The following LMBR1 variants were observed in gnomAD, a reference collection of about 807,000 sequenced individuals.
The protein encoded by LMBR1 is limb region 1 protein homolog.
A neutral mutation model predicts 73.9 loss-of-function variants in LMBR1; 52 were observed. That is an observed-to-expected ratio of 0.70 (90% CI 0.56 to 0.89). LMBR1 has a LOEUF of 0.89. LMBR1 is among the 40% of genes least tolerant of loss of function. The probability of loss-of-function intolerance (pLI) is 0.00; values close to 1 mark genes in which losing one functional copy is unlikely to be tolerated. For synonymous variants in LMBR1, 215 were observed against 209.4 expected (o/e 1.03, Z -0.23); for missense variants, 539 against 579.8 (o/e 0.93, Z 0.72).
intron 15 of LMBR1, among the ~76,000 whole-genome samples, chr7:156,688,607 A>T (rs1585192502): frequency 1.3e-5 from 2 of 151,344 alleles, no homozygotes; most frequent in Admixed American, 1.3e-4. Flanking sequence ...ACATCCTTAC[A>T]CCTCCTCTGC....
At chr7:156,822,697 A>G (rs923780057) in intron 4 of LMBR1, 2 of 152,194 alleles carry the variant, frequency 1.3e-5, no homozygotes, top group African/African-American at 4.8e-5. Flanking sequence ...AAGCAAAATA[A>G]CAATCAGAAA....
intron 1 of LMBR1, among the ~76,000 whole-genome samples, chr7:156,867,457 A>G (rs1798624188): frequency 6.6e-6 from 1 of 152,250 alleles, no homozygotes; most frequent in Non-Finnish European, 1.5e-5. Flanking sequence ...CAAAAACTAC[A>G]CAAATGTTCA....
intron 15 of LMBR1, among the ~76,000 whole-genome samples, chr7:156,697,605 A>G (rs1180792147): frequency 2.0e-5 from 3 of 152,164 alleles, no homozygotes; most frequent in Non-Finnish European, 4.4e-5. Flanking sequence ...GAATTTAGCG[A>G]TATCTTCCCT....
chr7:156,711,219 A>C (rs1417733134), intron 15 of LMBR1, among the ~76,000 whole-genome samples: 1 of 152,160 alleles, frequency 6.6e-6, no homozygotes, highest in Non-Finnish European at 1.5e-5. Flanking sequence ...CTGAGGCAGG[A>C]GAATCGCTTG....
chr7:156,759,723 C>G (rs1822611919), intron 8 of LMBR1, among the ~76,000 whole-genome samples: 1 of 152,110 alleles, frequency 6.6e-6, no homozygotes, highest in African/African-American at 2.4e-5. Flanking sequence ...AGCACTCGAA[C>G]ATAAATTTAA....
intron 1 of LMBR1, among the ~76,000 whole-genome samples, chr7:156,870,504 G>A (rs892308863): frequency 1.3e-5 from 2 of 152,180 alleles, no homozygotes; most frequent in East Asian, 1.9e-4. Flanking sequence ...AGTGGCTCAC[G>A]CCTGTAATCC....
At chr7:156,684,362 C>A (rs941883540) in intron 16 of LMBR1, among the ~76,000 whole-genome samples, 199 bp from the exon 17 acceptor site, 1 of 152,158 alleles carries the variant, frequency 6.6e-6, no homozygotes, top group Non-Finnish European at 1.5e-5. Flanking sequence ...AAGCTGAAGA[C>A]TGCTGCAAGG....
intron 4 of LMBR1, among the ~76,000 whole-genome samples, chr7:156,803,072 A>ATT (rs1831301645): frequency 6.6e-6 from 1 of 152,198 alleles, no homozygotes; most frequent in African/African-American, 2.4e-5. Flanking sequence ...AGGCATTACC[A>ATT]TTCAGGACAT....
intron 1 of LMBR1, among the ~76,000 whole-genome samples, chr7:156,844,682 G>A (rs1839314357): frequency 6.6e-6 from 1 of 151,268 alleles, no homozygotes; most frequent in Non-Finnish European, 1.5e-5. Flanking sequence ...ATTGAGCTTT[G>A]CTCCTGGTCA....
intron 1 of LMBR1, among the ~76,000 whole-genome samples, chr7:156,872,905 T>C (rs1301672902): frequency 6.6e-6 from 1 of 152,188 alleles, no homozygotes; most frequent in East Asian, 1.9e-4. Context: ...AGATTGCTCC[T>C]GCAGGACCCA....
intron 15 of LMBR1, among the ~76,000 whole-genome samples, chr7:156,695,545 G>A (rs1808104743): frequency 6.6e-6 from 1 of 151,946 alleles, no homozygotes; most frequent in Admixed American, 6.6e-5. Context: ...AAGGGTTGGG[G>A]GAGGCACCCG....
chr7:156,831,222 C>A (rs6459710), intron 3 of LMBR1, among the ~76,000 whole-genome samples: 57,389 of 149,798 alleles, frequency 0.38, 11,365 homozygotes, highest in East Asian at 0.56. Flanking sequence ...AAAAGCGCTA[C>A]GGTGGAGGAA....
chr7:156,804,910 A>G (rs947646304), intron 4 of LMBR1, among the ~76,000 whole-genome samples: 3 of 152,182 alleles, frequency 2.0e-5, no homozygotes, highest in African/African-American at 7.2e-5. Context: ...ATTATGGCCT[A>G]GTTCAATGTT....
intron 15 of LMBR1, among the ~76,000 whole-genome samples, chr7:156,718,375 G>A (rs1440749418): frequency 1.4e-5 from 2 of 148,096 alleles, no homozygotes; most frequent in East Asian, 2.0e-4. Context: ...ACTTCAACCT[G>A]AGCAACAGAG....
At chr7:156,691,742 T>TA (rs1251348136) in intron 15 of LMBR1, among the ~76,000 whole-genome samples, 7 of 150,346 alleles carry the variant, frequency 4.7e-5, no homozygotes, top group African/African-American at 1.2e-4. Context: ...TCTTGTTATT[T>TA]TAAAAAAAAA....
Position 156,682,861 on chromosome 7 carries a change from T to C in LMBR1, c.*1217A>G, listed in dbSNP as rs1805309295. The C allele has an allele frequency of 6.6e-6, 1 of 152,218 alleles. No homozygotes were observed. The highest frequency in any genetic ancestry group is 1.5e-5 in the Non-Finnish European group (1 of 68,032). The allele number at this position is 152,218 out of a possible 1,614,324, so 9.4% of individuals were successfully genotyped here. A position where few individuals can be genotyped will look rare whatever the true frequency, so the allele number is the denominator to read the frequency against. On this transcript the variant is annotated 3_prime_UTR_variant, in exon 17 of 17. Coordinates refer to ENST00000353442, the MANE Select transcript of LMBR1 (RefSeq NM_022458.4). ...TATAGCAGACTGCATAACTACGAAT[T>C]GTGTGCAAATGGGCCCATCTCCTAT... is the stretch of plus-strand genomic sequence containing the variant.
chr7:156,719,923 T>C (rs1384786476), intron 15 of LMBR1, among the ~76,000 whole-genome samples: 1 of 151,164 alleles, frequency 6.6e-6, no homozygotes, highest in Non-Finnish European at 1.5e-5. Context: ...TGAAACTGGA[T>C]CCCTTCCTTA....
At chr7:156,871,338 T>C (rs539574576) in intron 1 of LMBR1, among the ~76,000 whole-genome samples, 1 of 152,200 alleles carries the variant, frequency 6.6e-6, no homozygotes, top group African/African-American at 2.4e-5. Context: ...GACCAGATGG[T>C]TTCATTGATG....
chr7:156,821,454 T>C (rs1386006803), intron 4 of LMBR1, among the ~76,000 whole-genome samples: 1 of 152,206 alleles, frequency 6.6e-6, no homozygotes, highest in Non-Finnish European at 1.5e-5. Flanking sequence ...AGGGAAACTC[T>C]CCGATGGGCA....
Sources: allele counts gnomAD v4.1 joint callset (sites outside exome capture counted in the v4.1 genomes callset), GRCh38; gene constraint gnomAD v4.1.1; transcripts MANE v1.5; gene names NCBI Gene and HGNC (gene_info 2026-07-23, HGNC 2026-07-21).